Variants in MYO5B observed in about 807,000 individuals in gnomAD.
MYO5B encodes the protein myosin VB, also known as unconventional myosin-Vb.
MYO5B carries 143 observed loss-of-function variants against 229.3 expected under a neutral mutation model. The observed-to-expected ratio is 0.62, with a 90% CI of 0.54 to 0.72. The LOEUF (loss-of-function observed/expected upper bound fraction) is 0.72. Ranked by LOEUF, MYO5B falls within the 30% of genes least tolerant of loss-of-function variation. MYO5B has a pLI of 0.00. For synonymous variants in MYO5B, 918 were observed against 885.2 expected (o/e 1.04, Z -0.66); for missense variants, 2,321 against 2,331.0 (o/e 1.00, Z 0.09).
intron 2 of MYO5B, among the ~76,000 whole-genome samples, chr18:50,045,430 A>G (rs1598978132): frequency 2.0e-5 from 3 of 152,296 alleles, no homozygotes; most frequent in Admixed American, 2.0e-4. Flanking sequence ...GTCTTGCTCT[A>G]CTGCCCAGCC....
At chr18:49,994,427 G>A (rs1157340728) in intron 5 of MYO5B, among the ~76,000 whole-genome samples, 1 of 152,162 alleles carries the variant, frequency 6.6e-6, no homozygotes, top group Admixed American at 6.5e-5. Flanking sequence ...AAACCAGTTG[G>A]AGTCACAATA....
chr18:50,111,531 T>G (rs1445396438), intron 1 of MYO5B, among the ~76,000 whole-genome samples: 1 of 152,206 alleles, frequency 6.6e-6, no homozygotes, highest in African/African-American at 2.4e-5. Flanking sequence ...GTTCCTTGGG[T>G]AAATTTAGAT....
intron 1 of MYO5B, chr18:50,097,541 A>G: frequency 3.5e-6 from 1 of 282,248 alleles, no homozygotes. Context: ...ACTTCACTGA[A>G]CAACAACACT....
At chr18:50,123,346 G>A (rs1192425795) in intron 1 of MYO5B, among the ~76,000 whole-genome samples, 1 of 152,202 alleles carries the variant, frequency 6.6e-6, no homozygotes, top group African/African-American at 2.4e-5. Context: ...TAGAGAGAGG[G>A]AGTGTTTGCA....
chr18:49,859,965 C>T (rs1180024969), intron 29 of MYO5B, among the ~76,000 whole-genome samples: 1 of 152,182 alleles, frequency 6.6e-6, no homozygotes, highest in Admixed American at 6.5e-5. Context: ...CCCGGACAGG[C>T]CCCTGGTGTG....
intron 14 of MYO5B, among the ~76,000 whole-genome samples, chr18:49,950,580 T>A (rs12964460): frequency 6.6e-6 from 1 of 151,930 alleles, no homozygotes; most frequent in Admixed American, 6.6e-5. Flanking sequence ...ACAACCAAGA[T>A]ACAATGGTAA....
chr18:49,909,674 G>A (rs1031209328), intron 18 of MYO5B, among the ~76,000 whole-genome samples: 15 of 152,244 alleles, frequency 9.9e-5, no homozygotes, highest in African/African-American at 3.6e-4. Flanking sequence ...AACATAAGGG[G>A]ATGAACACAA....
chr18:50,009,338 AC>A (rs1365623853), intron 4 of MYO5B, among the ~76,000 whole-genome samples: 6 of 152,326 alleles, frequency 3.9e-5, no homozygotes, highest in African/African-American at 1.4e-4. Context: ...AGATTGCACC[AC>A]TGCACTCCAG....
intron 1 of MYO5B, among the ~76,000 whole-genome samples, chr18:50,141,510 T>C (rs1014439968): frequency 1.3e-5 from 2 of 152,216 alleles, no homozygotes; most frequent in South Asian, 4.1e-4. Context: ...CCAGCTCCCC[T>C]TGAATTCTTC....
chr18:49,952,429 C>T (rs866491800), intron 14 of MYO5B, among the ~76,000 whole-genome samples: 6 of 150,836 alleles, frequency 4.0e-5, no homozygotes, highest in South Asian at 2.1e-4. Context: ...CCAGTGCACA[C>T]GCTTCCCCTG....
At chr18:50,194,253 C>G (rs891718645) in intron 1 of MYO5B, among the ~76,000 whole-genome samples, 1 of 152,210 alleles carries the variant, frequency 6.6e-6, no homozygotes, top group African/African-American at 2.4e-5. Context: ...CCACCTCTCC[C>G]AAGTCCAGGG....
chr18:50,183,331 A>C (rs1423758836), intron 1 of MYO5B, among the ~76,000 whole-genome samples: 1 of 105,574 alleles, frequency 9.5e-6, no homozygotes, highest in African/African-American at 3.2e-5. Context: ...ATATATATAT[A>C]TATATATCTC....
At chr18:49,853,425 G>A (rs900125275) in intron 31 of MYO5B, 24 bp downstream of exon 31, 1 of 1,613,292 alleles carries the variant, frequency 6.2e-7, no homozygotes, top group Non-Finnish European at 8.5e-7. Context: ...CCAAAGCTGG[G>A]GTCCACTAGA....
intron 4 of MYO5B, among the ~76,000 whole-genome samples, chr18:50,011,393 C>T (rs761434330): frequency 1.3e-5 from 2 of 152,124 alleles, no homozygotes; most frequent in Admixed American, 1.3e-4. Flanking sequence ...TAACTGCTAC[C>T]CACAAGTTGT....
chr18:49,942,203 C>A (rs1018854831), intron 14 of MYO5B, among the ~76,000 whole-genome samples: 10 of 151,276 alleles, frequency 6.6e-5, no homozygotes, highest in Non-Finnish European at 1.3e-4. Flanking sequence ...GGATTAAAGA[C>A]TTAAATGTTA....
chr18:49,906,402 G>T lies in MYO5B; in HGVS notation c.2414+17C>A, dbSNP rs1346826649. 3 of 1,612,936 alleles carry T rather than the reference G, an allele frequency of 1.9e-6. No individual in the cohort carries two copies. Among genetic ancestry groups the T allele is most frequent in the Non-Finnish European group, 1.7e-6 (2 of 1,179,030 alleles). ...CCACCATGATCTGCTGCCCTGAGCT[G>T]CCACAGTCTGGCTCACCTGCGGGCC... On this transcript the variant is annotated intron_variant, in intron 19 of 39. Transcript: ENST00000285039.
intron 22 of MYO5B, among the ~76,000 whole-genome samples, chr18:49,891,377 G>C (rs1160767775): frequency 6.6e-6 from 1 of 152,138 alleles, no homozygotes; most frequent in Admixed American, 6.5e-5. Flanking sequence ...GTAGCCCTTG[G>C]GGGGTAATTC....
At chr18:50,129,855 C>T (rs1027756437) in intron 1 of MYO5B, among the ~76,000 whole-genome samples, 4 of 152,280 alleles carry the variant, frequency 2.6e-5, no homozygotes, top group African/African-American at 9.6e-5. Flanking sequence ...AGAAGAGGGG[C>T]TTTGTTTTGT....
At chr18:49,865,624 G>A (rs548058869) in intron 27 of MYO5B, among the ~76,000 whole-genome samples, 1 of 152,252 alleles carries the variant, frequency 6.6e-6, no homozygotes, top group South Asian at 2.1e-4. Context: ...GCACAGTCCT[G>A]GAACCTTAGC....
Sources: gnomAD v4.1 joint callset for allele counts (sites outside exome capture counted in the v4.1 genomes callset) on GRCh38, gnomAD v4.1.1 for gene constraint, MANE v1.5 for transcripts, NCBI Gene and HGNC (gene_info 2026-07-23, HGNC 2026-07-21) for gene names.